HSD17B12: variants seen among roughly 807,000 people sequenced by gnomAD.
HSD17B12 encodes the protein very-long-chain 3-oxoacyl-CoA reductase.
A neutral mutation model predicts 39.3 loss-of-function variants in HSD17B12; 32 were observed. The ratio of observed to expected loss-of-function variants is 0.81; its 90% CI spans 0.61 to 1.09. The LOEUF (loss-of-function observed/expected upper bound fraction) is 1.09. Ranked by LOEUF, HSD17B12 falls within the 50% of genes least tolerant of loss-of-function variation. The pLI, the probability that HSD17B12 is intolerant of heterozygous loss-of-function variation, is 0.00. For synonymous variants in HSD17B12, 150 were observed against 146.7 expected (o/e 1.02, Z -0.16); for missense variants, 342 against 382.9 (o/e 0.89, Z 0.89).
the HSD17B12 span, among the ~76,000 whole-genome samples, chr11:43,667,933 G>T: frequency 6.6e-6 from 1 of 152,102 alleles, no homozygotes; most frequent in Non-Finnish European, 1.5e-5. Flanking sequence ...GTATGGTTGG[G>T]ACCAGTATGT....
At chr11:43,813,711 T>C (rs897547447) in intron 4 of HSD17B12, among the ~76,000 whole-genome samples, 1 of 152,204 alleles carries the variant, frequency 6.6e-6, no homozygotes, top group Non-Finnish European at 1.5e-5. Context: ...TTTATAGAAT[T>C]GACTCTTGGG....
At chr11:43,742,195 T>C (rs547053639) in intron 1 of HSD17B12, among the ~76,000 whole-genome samples, 300 of 149,576 alleles carry the variant, frequency 2.0e-3, no homozygotes, top group Non-Finnish European at 3.7e-3. Flanking sequence ...TGGAGTACAG[T>C]GCCGCAATCA....
At chr11:43,565,563 T>C in the HSD17B12 span, among the ~76,000 whole-genome samples, 16 of 152,300 alleles carry the variant, frequency 1.1e-4, no homozygotes, top group African/African-American at 3.8e-4. Flanking sequence ...AAAAATCCAT[T>C]ACTTACCCTC....
At chr11:43,574,396 T>C in the HSD17B12 span, among the ~76,000 whole-genome samples, 23 of 152,338 alleles carry the variant, frequency 1.5e-4, no homozygotes, top group African/African-American at 4.8e-4. Flanking sequence ...CCAGCCATGA[T>C]TGTAAATAGC....
chr11:43,765,839 C>T (rs1468615430), intron 3 of HSD17B12, among the ~76,000 whole-genome samples: 1 of 152,066 alleles, frequency 6.6e-6, no homozygotes, highest in Non-Finnish European at 1.5e-5. Context: ...TCTTCTACAC[C>T]TTTTCTTTTT....
intron 3 of HSD17B12, among the ~76,000 whole-genome samples, chr11:43,786,785 G>T (rs1342829799): frequency 6.6e-6 from 1 of 152,118 alleles, no homozygotes; most frequent in Non-Finnish European, 1.5e-5. Flanking sequence ...GTACAGATTG[G>T]ATAACTTAAT....
At chr11:43,675,161 A>T in the HSD17B12 span, among the ~76,000 whole-genome samples, 1 of 152,364 alleles carries the variant, frequency 6.6e-6, no homozygotes, top group South Asian at 2.1e-4. Context: ...TATTAGGTAG[A>T]TGGACAAAGA....
At chr11:43,697,429 G>T (rs1246007766) in intron 1 of HSD17B12, among the ~76,000 whole-genome samples, 1 of 152,132 alleles carries the variant, frequency 6.6e-6, no homozygotes, top group African/African-American at 2.4e-5. Context: ...CATGTACCAG[G>T]TACTTTTCTA....
At chr11:43,586,773 G>A in the HSD17B12 span, among the ~76,000 whole-genome samples, 1 of 152,096 alleles carries the variant, frequency 6.6e-6, no homozygotes, top group African/African-American at 2.4e-5. Context: ...GCCACTTCGA[G>A]GCCATATTAA....
chr11:43,641,250 C>G, the HSD17B12 span, among the ~76,000 whole-genome samples: 1 of 151,724 alleles, frequency 6.6e-6, no homozygotes, highest in Non-Finnish European at 1.5e-5. Flanking sequence ...GAGATAGACC[C>G]CTTTTTTTTT....
intron 3 of HSD17B12, 54 bp from the exon 4 acceptor site, chr11:43,798,266 T>C (rs1950932087): frequency 1.0e-6 from 1 of 994,084 alleles, no homozygotes; most frequent in East Asian, 2.4e-5. Flanking sequence ...TAATCTTCAC[T>C]GCCATGTACT....
chr11:43,632,314 T>C, the HSD17B12 span, among the ~76,000 whole-genome samples: 3 of 152,202 alleles, frequency 2.0e-5, 1 homozygote, highest in South Asian at 6.2e-4. Flanking sequence ...ACTAGGCATG[T>C]AAAGCTAATT....
intron 3 of HSD17B12, among the ~76,000 whole-genome samples, chr11:43,785,113 A>T (rs1489636585): frequency 4.6e-5 from 7 of 151,630 alleles, no homozygotes; most frequent in African/African-American, 1.7e-4. Context: ...TTTTTGCTAA[A>T]TGAGGAGGCT....
chr11:43,852,364 A>G (rs1951540112), intron 9 of HSD17B12: 1 of 152,242 alleles, frequency 6.6e-6, no homozygotes, highest in Non-Finnish European at 1.5e-5. Context: ...ACAAAAAATT[A>G]TAACGCAGTT....
At chr11:43,664,770 C>CTTG in the HSD17B12 span, among the ~76,000 whole-genome samples, 1 of 152,146 alleles carries the variant, frequency 6.6e-6, no homozygotes, top group African/African-American at 2.4e-5. Flanking sequence ...CAAATTATTT[C>CTTG]TTGTTGTTTC....
chr11:43,651,660 A>G, the HSD17B12 span, among the ~76,000 whole-genome samples: 1 of 152,332 alleles, frequency 6.6e-6, no homozygotes, highest in African/African-American at 2.4e-5. Flanking sequence ...GGCTCCCTGC[A>G]ACCTCTGCCT....
the HSD17B12 span, among the ~76,000 whole-genome samples, chr11:43,567,210 A>G: frequency 6.6e-6 from 1 of 152,128 alleles, no homozygotes; most frequent in Non-Finnish European, 1.5e-5. Context: ...GTCACTCTAG[A>G]TATTTGTGGG....
intron 3 of HSD17B12, among the ~76,000 whole-genome samples, chr11:43,783,745 T>G (rs1398431094): frequency 6.6e-6 from 1 of 152,116 alleles, no homozygotes; most frequent in Non-Finnish European, 1.5e-5. Flanking sequence ...GCAAAGGACA[T>G]GAACACATCC....
chr11:43,565,750 G>A, the HSD17B12 span, among the ~76,000 whole-genome samples: 9 of 152,256 alleles, frequency 5.9e-5, no homozygotes, highest in African/African-American at 7.2e-5. Flanking sequence ...GCGTGGCTTC[G>A]CAAGGTATCT....
Sources: allele counts gnomAD v4.1 joint callset (sites outside exome capture counted in the v4.1 genomes callset), GRCh38; gene constraint gnomAD v4.1.1; transcripts MANE v1.5; gene names NCBI Gene and HGNC (gene_info 2026-07-23, HGNC 2026-07-21).